CLEC4A: variants seen among roughly 807,000 people sequenced by gnomAD.
CLEC4A encodes C-type lectin domain family 4 member A, also known as C-type (calcium dependent, carbohydrate-recognition domain) lectin, superfamily member 6.
Under a neutral mutation model 32.7 loss-of-function variants are expected in CLEC4A, and 27 were observed. The observed-to-expected ratio is 0.83, with a 90% CI of 0.61 to 1.14. CLEC4A has a LOEUF of 1.14. CLEC4A is among the 50% of genes most tolerant of loss of function. The pLI is 0.00. For synonymous variants in CLEC4A, 89 were observed against 93.7 expected, an observed-to-expected ratio of 0.95 and a Z score of 0.29; for missense variants, 253 against 274.6, an observed-to-expected ratio of 0.92 and a Z score of 0.55.
chr12:8,111,921 ATATGTGTGTG>A, the CLEC4A span, among the ~76,000 whole-genome samples: 26 of 109,770 alleles, frequency 2.4e-4, no homozygotes, highest in Middle Eastern at 4.4e-3. Context: ...GTGAGTGTGT[ATATGTGTGTG>A]TGTGTGTGTG....
the CLEC4A span, among the ~76,000 whole-genome samples, chr12:8,106,443 G>A: frequency 6.6e-6 from 1 of 152,152 alleles, no homozygotes; most frequent in African/African-American, 2.4e-5. Flanking sequence ...TTGGTAGTTT[G>A]ATAGGAATAG....
the CLEC4A span, among the ~76,000 whole-genome samples, chr12:8,105,104 T>G: frequency 6.6e-6 from 1 of 152,210 alleles, no homozygotes; most frequent in African/African-American, 2.4e-5. Flanking sequence ...TACCCAATAA[T>G]GGGATTACTG....
the CLEC4A span, among the ~76,000 whole-genome samples, chr12:8,114,943 C>T: frequency 3.9e-5 from 6 of 152,146 alleles, no homozygotes; most frequent in Non-Finnish European, 7.4e-5. Flanking sequence ...ACCAATTACT[C>T]GCTGAGAGGG....
chr12:8,108,957 T>C, the CLEC4A span, among the ~76,000 whole-genome samples: 2 of 152,208 alleles, frequency 1.3e-5, no homozygotes, highest in Non-Finnish European at 2.9e-5. Flanking sequence ...AAGCACTTTG[T>C]GTCAGTGCTG....
At chr12:8,116,063 C>A in the CLEC4A span, among the ~76,000 whole-genome samples, 1 of 151,918 alleles carries the variant, frequency 6.6e-6, no homozygotes, top group Non-Finnish European at 1.5e-5. Flanking sequence ...CAGGCTCAAG[C>A]GATTCTTCTG....
chr12:8,115,917 A>C, the CLEC4A span, among the ~76,000 whole-genome samples: 1 of 151,830 alleles, frequency 6.6e-6, no homozygotes, highest in African/African-American at 2.4e-5. Context: ...GCCTCCTAAG[A>C]AGCTGGGACT....
At position 8,135,570 on chromosome 12, in the gene CLEC4A, C is replaced by T. The variant is rs1313362920; in HGVS notation, c.299-15C>T. ...TTATTTATATTGCACGTATGTGCCC[C>T]TCTTCCCAATACAGAGACAGCCTGG... On this transcript the variant is annotated splice_polypyrimidine_tract_variant and intron_variant, in intron 3 of 5. Coordinates refer to ENST00000229332, the MANE Select transcript of CLEC4A (RefSeq NM_016184.4). 6.2e-7 allele frequency: 1 copy of T among 1,613,388 alleles called. No homozygotes were observed. Among genetic ancestry groups the T allele is most frequent in the Non-Finnish European group, 8.5e-7 (1 of 1,179,598 alleles).
chr12:8,137,990 G>A, intron 5 of CLEC4A, 150 bp from the exon 6 acceptor site: 2 of 779,548 alleles, frequency 2.6e-6, no homozygotes. Flanking sequence ...GCAGATGGAG[G>A]AGAAGCTGCA....
chr12:8,106,590 G>A, the CLEC4A span, among the ~76,000 whole-genome samples: 1 of 152,286 alleles, frequency 6.6e-6, no homozygotes, highest in Non-Finnish European at 1.5e-5. Context: ...AATACTTGCT[G>A]TAGAGATCTT....
At chr12:8,126,706 A>T (rs777264414) in intron 2 of CLEC4A, among the ~76,000 whole-genome samples, 1 of 152,302 alleles carries the variant, frequency 6.6e-6, no homozygotes, top group African/African-American at 2.4e-5. Context: ...CAGTGGTTAT[A>T]ACATTGTATG....
upstream of CLEC4A, among the ~76,000 whole-genome samples, chr12:8,120,074 T>A (rs796704903): frequency 3.9e-5 from 6 of 152,350 alleles, no homozygotes; most frequent in African/African-American, 1.4e-4. Flanking sequence ...CCCATTGATA[T>A]ATCACTTTCT....
At chr12:8,135,524 T>A in intron 3 of CLEC4A, 61 bp from the exon 4 acceptor site, 1 of 1,551,096 alleles carries the variant, frequency 6.4e-7, no homozygotes, top group Non-Finnish European at 8.8e-7. Flanking sequence ...ATTTTAATAA[T>A]ACACACACTT....
intron 3 of CLEC4A, among the ~76,000 whole-genome samples, chr12:8,131,714 A>G (rs1279164351): frequency 1.3e-5 from 2 of 152,136 alleles, no homozygotes; most frequent in South Asian, 2.1e-4. Context: ...ACAAGTATCT[A>G]TATAATTTAT....
chr12:8,134,179 G>C (rs571481913), intron 3 of CLEC4A: 26 of 1,609,994 alleles, frequency 1.6e-5, no homozygotes, highest in Non-Finnish European at 2.0e-5. Context: ...CCTGCACGAG[G>C]GTTTCTGCTT....
In CLEC4A at chr12:8,129,280, T is replaced by G. The variant is rs200270204; in HGVS notation, c.216T>G (p.Tyr72Ter). 33 of 1,601,714 alleles carry G rather than the reference T, an allele frequency of 2.1e-5. No homozygotes were observed. Among genetic ancestry groups the G allele is most frequent in the Non-Finnish European group, 2.8e-5 (33 of 1,173,828 alleles). The change falls in exon 3 of 6, where the codon TAT (tyrosine) becomes TAG (stop). Residue 72 changes from tyrosine to a stop codon, truncating the protein, a stop_gained. Coordinates refer to ENST00000229332, the MANE Select transcript of CLEC4A (RefSeq NM_016184.4). LOFTEE classifies it high-confidence loss of function. Reference protein sequence around the residue: ...FIAFVIFFQKYSQLLEKKTTK... With the variant: ...FIAFVIFFQK ...CTTTTCCAGTTTTCTTTCAAAAATA[T>G]TCTCAGCTTCTTGAAAAAAAGACTA...
chr12:8,111,776 A>C, the CLEC4A span, among the ~76,000 whole-genome samples: 2 of 152,146 alleles, frequency 1.3e-5, no homozygotes, highest in Admixed American at 1.3e-4. Flanking sequence ...TTTACATATA[A>C]TATATACTTA....
chr12:8,131,789 G>A (rs1947999838), intron 3 of CLEC4A, among the ~76,000 whole-genome samples: 1 of 149,092 alleles, frequency 6.7e-6, no homozygotes, highest in Non-Finnish European at 1.5e-5. Flanking sequence ...TAATCATTTA[G>A]TTATATCTGC....
intron 2 of CLEC4A, among the ~76,000 whole-genome samples, chr12:8,129,011 A>G (rs1306594284): frequency 6.6e-6 from 1 of 151,772 alleles, no homozygotes; most frequent in Non-Finnish European, 1.5e-5. Context: ...CATGCATCTT[A>G]TATTAAGTAT....
intron 2 of CLEC4A, among the ~76,000 whole-genome samples, chr12:8,128,367 A>G (rs1332245511): frequency 6.6e-6 from 1 of 152,072 alleles, no homozygotes; most frequent in Non-Finnish European, 1.5e-5. Flanking sequence ...ATGATGGGTC[A>G]AGGAGCAAAT....
Sources: allele counts gnomAD v4.1 joint callset (sites outside exome capture counted in the v4.1 genomes callset), GRCh38; gene constraint gnomAD v4.1.1; transcripts MANE v1.5; gene names NCBI Gene and HGNC (gene_info 2026-07-23, HGNC 2026-07-21).